Variants in PNPLA7 observed in about 807,000 individuals in gnomAD.
PNPLA7 encodes patatin-like phospholipase domain-containing protein 7.
In PNPLA7, 153 loss-of-function variants were observed where a neutral mutation model predicts 161.7. The observed-to-expected ratio is 0.95, with a 90% CI of 0.83 to 1.08. The LOEUF is 1.08. Ranked by LOEUF, PNPLA7 falls within the 50% of genes least tolerant of loss-of-function variation. PNPLA7 has a pLI of 0.00. For missense variants in PNPLA7, 1,739 were observed against 1,856.6 expected (o/e 0.94, Z 1.16); for synonymous variants, 809 against 782.1 (o/e 1.03, Z -0.57).
At chr9:137,518,519 ACTCACTCCACTCTGCTCACTCCATCCC>A (rs1834778322) in intron 11 of PNPLA7, among the ~76,000 whole-genome samples, 1 of 36,182 alleles carries the variant, frequency 2.8e-5, no homozygotes, top group Non-Finnish European at 5.3e-5. Flanking sequence ...ATCCCCCGTC[ACTCACTCCACTCTGCTCACTCCATCCC>A]CCACTCACTC....
intron 30 of PNPLA7, 90 bp from the exon 31 acceptor site, chr9:137,462,421 A>G (rs1462383801): frequency 2.6e-6 from 4 of 1,510,400 alleles, no homozygotes; most frequent in Non-Finnish European, 3.5e-6. Context: ...CTGGGGACCC[A>G]TCCTCTGGGG....
chr9:137,525,386 T>C (rs1228216831), intron 8 of PNPLA7, among the ~76,000 whole-genome samples: 2 of 152,154 alleles, frequency 1.3e-5, no homozygotes, highest in Non-Finnish European at 2.9e-5. Flanking sequence ...TGGAGACCGG[T>C]AGTGGCCCCG....
intron 11 of PNPLA7, chr9:137,516,433 C>G: frequency 2.0e-6 from 2 of 985,222 alleles, no homozygotes; most frequent in Non-Finnish European, 2.4e-6. Context: ...AAGACCTCAT[C>G]CAGGACAGCT....
intron 22 of PNPLA7, 40 bp from the exon 23 acceptor site, chr9:137,480,520 G>C (rs766571675): frequency 6.4e-7 from 1 of 1,569,950 alleles, no homozygotes; most frequent in Admixed American, 1.8e-5. Context: ...CTCCGCAGGG[G>C]CCTGGCACTC....
chr9:137,546,461 C>G (rs111751890), intron 4 of PNPLA7, among the ~76,000 whole-genome samples: 1 of 152,220 alleles, frequency 6.6e-6, no homozygotes, highest in South Asian at 2.1e-4. Context: ...CTCTCGTCTC[C>G]GCACAGGGGG....
chr9:137,516,404 C>A, intron 11 of PNPLA7: 1 of 985,128 alleles, frequency 1.0e-6, no homozygotes, highest in Non-Finnish European at 1.2e-6. Context: ...CATGAGCACC[C>A]CCGGCCCTGG....
At chr9:137,497,520 G>T (rs1211764730) in intron 17 of PNPLA7, among the ~76,000 whole-genome samples, 2 of 152,200 alleles carry the variant, frequency 1.3e-5, no homozygotes, top group African/African-American at 4.8e-5. Flanking sequence ...AAATTGTCTT[G>T]GTTTTAATTA....
At chr9:137,515,611 C>G in intron 11 of PNPLA7, 92 bp from the exon 12 acceptor site, 1 of 1,409,322 alleles carries the variant, frequency 7.1e-7, no homozygotes, top group Non-Finnish European at 9.3e-7. Context: ...AGCAGGGTCC[C>G]CACAGTGCCC....
intron 7 of PNPLA7, 21 bp downstream of exon 7, chr9:137,542,621 C>A: frequency 6.4e-7 from 1 of 1,560,514 alleles, no homozygotes; most frequent in South Asian, 1.1e-5. Flanking sequence ...CCTGACCCCG[C>A]CCCGCCGCCC....
chr9:137,528,718 T>C (rs977766389), intron 8 of PNPLA7, among the ~76,000 whole-genome samples: 1 of 151,856 alleles, frequency 6.6e-6, no homozygotes, highest in Non-Finnish European at 1.5e-5. Flanking sequence ...TTTTTTTTTT[T>C]GAGATGGAGT....
chr9:137,504,142 AGAAAG>A (rs1833779371), intron 14 of PNPLA7, among the ~76,000 whole-genome samples: 1 of 139,574 alleles, frequency 7.2e-6, no homozygotes, highest in Non-Finnish European at 1.6e-5. Flanking sequence ...AGAAGAAAAA[AGAAAG>A]GAAGAAGAAG....
At chr9:137,505,905 C>T (rs1015724476) in intron 13 of PNPLA7, 78 bp downstream of exon 13, 23 of 1,527,084 alleles carry the variant, frequency 1.5e-5, no homozygotes, top group Admixed American at 3.7e-5. Context: ...CCAAAGCCGG[C>T]GGCGCCCCCA....
intron 14 of PNPLA7, among the ~76,000 whole-genome samples, chr9:137,502,965 G>C (rs1237941107): frequency 6.6e-6 from 1 of 151,910 alleles, no homozygotes; most frequent in Admixed American, 6.6e-5. Flanking sequence ...AAGGGGTGCA[G>C]AGAAAACAAG....
At chr9:137,515,335 G>A in intron 12 of PNPLA7, 44 bp downstream of exon 12, 1 of 1,583,234 alleles carries the variant, frequency 6.3e-7, no homozygotes. Flanking sequence ...AGATGCCGAG[G>A]GCCTGTGGGT....
chr9:137,539,265 C>T (rs1836058778), intron 8 of PNPLA7, among the ~76,000 whole-genome samples: 2 of 152,156 alleles, frequency 1.3e-5, no homozygotes, highest in Non-Finnish European at 2.9e-5. Context: ...ATTGCTTGAA[C>T]CTGGGAGGTG....
Position 137,547,399 on chromosome 9 carries a change from G to A in PNPLA7, c.106-3C>T, listed in dbSNP as rs1261160879. ...GCTCCAACTGCAATCCCCGTCAGCT[G>A]GCCGAGAGTGGAAACACGGCGCCCA... On this transcript the variant is annotated splice_region_variant and splice_polypyrimidine_tract_variant and intron_variant, in intron 2 of 34. Coordinates refer to ENST00000406427, the MANE Select transcript of PNPLA7 (RefSeq NM_001098537.3). This position sits in a 1 kb window ranked among gnomAD's most constrained non-coding sequence, Gnocchi z 4.6. 6.2e-7 allele frequency: 1 copy of A among 1,613,378 alleles called. No homozygotes were observed. The highest frequency in any genetic ancestry group is 1.7e-5 in the Admixed American group (1 of 60,030).
intron 24 of PNPLA7, chr9:137,478,831 C>G (rs559629459): frequency 5.2e-6 from 3 of 578,346 alleles, no homozygotes; most frequent in Non-Finnish European, 8.4e-6. Context: ...GCCCGATGGC[C>G]GCCCTGTGCC....
rs1303018271 is a variant in PNPLA7 at position 137,464,343 on chromosome 9, G to A, written c.3153C>T (p.Ile1051=). Residue 1051 remains isoleucine, a synonymous_variant, in exon 27 of 35, where the codon ATC becomes ATT. Coordinates refer to ENST00000406427, the MANE Select transcript of PNPLA7 (RefSeq NM_001098537.3). ...SIFSVFKDQQ[I]EDLWIPYFAI... The stretch of plus-strand genomic sequence containing the variant: ...GCTCCTGAGGGTGGGGGTGCACCTC[G>A]ATCTGCTGGTCCTTGAAGACGCTGA... 2.5e-6 allele frequency: 4 copies of A among 1,613,302 alleles called. No homozygotes were observed. Among genetic ancestry groups the A allele is most frequent in the Admixed American group, 1.7e-5 (1 of 60,022 alleles).
intron 19 of PNPLA7, among the ~76,000 whole-genome samples, chr9:137,494,313 A>G (rs1832921660): frequency 6.6e-6 from 1 of 151,690 alleles, no homozygotes; most frequent in Admixed American, 6.6e-5. Context: ...TGCCACACCC[A>G]CATCACTCAT....
Sources: allele counts gnomAD v4.1 joint callset (sites outside exome capture counted in the v4.1 genomes callset), GRCh38; gene constraint gnomAD v4.1.1; non-coding constraint Gnocchi (gnomAD v3.1); transcripts MANE v1.5; gene names NCBI Gene and HGNC (gene_info 2026-07-23, HGNC 2026-07-21).